Variants in LMO7 observed in about 807,000 individuals in gnomAD.
LMO7 encodes LIM domain only protein 7.
LMO7 carries 120 observed loss-of-function variants against 206.5 expected under a neutral mutation model. The ratio of observed to expected loss-of-function variants is 0.58; its 90% CI spans 0.50 to 0.68. The LOEUF (loss-of-function observed/expected upper bound fraction) is 0.68, where lower values mean the gene tolerates loss of function less well. Ranked by LOEUF, LMO7 falls within the 30% of genes least tolerant of loss-of-function variation. The probability of loss-of-function intolerance (pLI) is 0.00; values close to 1 mark genes in which losing one functional copy is unlikely to be tolerated. For missense variants in LMO7, 1,959 were observed against 1,957.9 expected, an observed-to-expected ratio of 1.00 and a Z score of -0.01; for synonymous variants, 706 against 681.5, an observed-to-expected ratio of 1.04 and a Z score of -0.56.
intron 4 of LMO7, among the ~76,000 whole-genome samples, chr13:75,793,659 C>T (rs1385896835): frequency 2.0e-5 from 3 of 152,170 alleles, no homozygotes; most frequent in African/African-American, 7.2e-5. Context: ...GGAATTTATT[C>T]TACTTGTTTA....
chr13:75,711,786 C>T (rs1429417443), intron 1 of LMO7, among the ~76,000 whole-genome samples: 1 of 152,196 alleles, frequency 6.6e-6, no homozygotes, highest in African/African-American at 2.4e-5. Flanking sequence ...GCTGTGGGCT[C>T]CCTGATGGAA....
At chr13:75,849,909 AAG>A in intron 27 of LMO7, among the ~76,000 whole-genome samples, 1 of 152,336 alleles carries the variant, frequency 6.6e-6, no homozygotes, top group Middle Eastern at 3.4e-3. Context: ...ATCACAGAGA[AAG>A]AGCTAATTAT....
intron 8 of LMO7, 92 bp from the exon 9 acceptor site, chr13:75,805,387 G>A: frequency 1.5e-6 from 2 of 1,342,470 alleles, no homozygotes; most frequent in East Asian, 2.3e-5. Context: ...TGTTCACAGT[G>A]GTGTAAACTT....
intron 4 of LMO7, among the ~76,000 whole-genome samples, chr13:75,765,819 G>A (rs542133607): frequency 6.6e-6 from 1 of 152,182 alleles, no homozygotes. Flanking sequence ...TTCTCAGATA[G>A]CCACGTTTCT....
chr13:75,810,507 G>A lies in LMO7; in HGVS notation c.1946+1324G>A, dbSNP rs1008614635. ...AAACCAGGGTCCCTGCATGCTTTCC[G>A]TGTGCCATGCAAAGGCACATTATCC... On this transcript the variant is annotated intron_variant, in intron 11 of 30. Transcript: ENST00000377534. Among the ~76,000 whole-genome samples, 2 of 152,114 alleles carry A rather than the reference G, an allele frequency of 1.3e-5. 1 individual carries two copies. The highest frequency in any genetic ancestry group is 6.3e-3 in the Middle Eastern group (2 of 316).
chr13:75,633,937 T>C (rs1363866046), upstream of LMO7, among the ~76,000 whole-genome samples: 1 of 135,186 alleles, frequency 7.4e-6, no homozygotes, highest in Non-Finnish European at 1.5e-5. Context: ...ACCCTCTGAC[T>C]CCCTGGTTCA....
In LMO7 at chr13:75,856,607, A is replaced by C. The variant is rs759252000; in HGVS notation, c.4872A>C (p.Lys1624Asn). Residue 1624 changes from lysine (K) to asparagine (N), a missense_variant and splice_region_variant, in exon 30 of 31, where the codon AAA becomes AAC. Coordinates refer to ENST00000377534, the MANE Select transcript of LMO7 (RefSeq NM_001306080.2). ...LYCNDCYLRF[K>N]SGRPTAM Reference sequence around the variant, plus strand: ...GCAACGACTGCTATCTCAGATTCAAATGTAAGAGAGCAAATCAGAGAGAAA... The same window carrying C: ...GCAACGACTGCTATCTCAGATTCAACTGTAAGAGAGCAAATCAGAGAGAAA... The C allele has an allele frequency of 3.2e-6, 5 of 1,578,884 alleles. No homozygotes were observed. The Admixed American group carries it at 6.7e-5, about 21-fold the overall frequency.
In LMO7 at chr13:75,636,613, C is replaced by T. The variant is rs776578984; in HGVS notation, c.-45C>T. The T allele has an allele frequency of 3.2e-6, 5 of 1,548,078 alleles. No individual in the cohort carries two copies. The highest frequency in any genetic ancestry group is 1.2e-5 in the South Asian group (1 of 84,112). ...CCCAGACGCGCGGGGACAACCCCTC[C>T]CCTCCACGCATCCCGAGTCTCTCTC... On this transcript the variant is annotated 5_prime_UTR_variant, in exon 1 of 31. Transcript: ENST00000377534.
At position 75,716,892 on chromosome 13, in the gene LMO7, CTCTT is replaced by C. The variant is rs1051242583; in HGVS notation, c.140+3642_140+3645del. Among the ~76,000 whole-genome samples the C allele has an allele frequency of 3.3e-4, 18 of 54,274 alleles. No individual in the cohort carries two copies. In the South Asian group the frequency reaches 0.015, roughly 45 times the overall value. The allele number at this position is 54,274 out of a possible 152,430, so 35.6% of individuals were successfully genotyped here. A position where few individuals can be genotyped will look rare whatever the true frequency, so the allele number is the denominator to read the frequency against. On this transcript the variant is annotated intron_variant, in intron 2 of 30. Transcript: ENST00000377534. ...TCTTGGAAATATTCAAATGAAAACA[CTCTT>C]TTTTTTTTTTTTTTCTCTGATGAAG...
intron 3 of LMO7, among the ~76,000 whole-genome samples, chr13:75,744,454 A>G (rs915872581): frequency 6.6e-6 from 1 of 152,240 alleles, no homozygotes; most frequent in Non-Finnish European, 1.5e-5. Context: ...TTACTAAAGC[A>G]ACACTGTAAT....
intron 3 of LMO7, among the ~76,000 whole-genome samples, chr13:75,757,618 T>C (rs1210225633): frequency 1.3e-5 from 2 of 151,970 alleles, no homozygotes; most frequent in Non-Finnish European, 2.9e-5. Flanking sequence ...GGATAAGGGG[T>C]GGAAGGGAGA....
At chr13:75,633,774 GTTAGTT>G (rs1056192358), upstream of LMO7, among the ~76,000 whole-genome samples, 3 of 149,804 alleles carry the variant, frequency 2.0e-5, no homozygotes, top group Admixed American at 2.0e-4. Context: ...GATAATTATT[GTTAGTT>G]TTAGTTAGGT....
intron 15 of LMO7, among the ~76,000 whole-genome samples, chr13:75,827,438 A>G (rs1207922666): frequency 6.6e-6 from 1 of 152,224 alleles, no homozygotes; most frequent in African/African-American, 2.4e-5. Flanking sequence ...TGAAGGGAAG[A>G]ACTTAATATG....
At chr13:75,841,001 T>G in intron 22 of LMO7, 108 bp from the exon 23 acceptor site, 1 of 684,932 alleles carries the variant, frequency 1.5e-6, no homozygotes, top group Middle Eastern at 3.4e-4. Flanking sequence ...ATCATGGTCT[T>G]TAAAGGTTTG....
At chr13:75,792,050 C>G (rs2053381573) in intron 4 of LMO7, among the ~76,000 whole-genome samples, 1 of 152,056 alleles carries the variant, frequency 6.6e-6, no homozygotes, top group African/African-American at 2.4e-5. Flanking sequence ...TCACTGCAGC[C>G]TTGAATTCCG....
rs769499249 is a variant in LMO7 at position 75,823,792 on chromosome 13, G to A, written c.2868G>A (p.Leu956=). ...QDQAATSKAT[L]SSTSGLDLMS... ...AGGCTGCCACTTCTAAAGCCACATT[G>A]TCTTCCACATCTGGTCTTGATTTAA... Residue 956 remains leucine (L), a synonymous_variant, in exon 15 of 31, where the codon TTG becomes TTA. Coordinates refer to ENST00000377534, the MANE Select transcript of LMO7 (RefSeq NM_001306080.2). 1.9e-6 allele frequency: 3 copies of A among 1,614,076 alleles called. No homozygotes were observed. Among genetic ancestry groups the A allele is most frequent in the Non-Finnish European group, 1.7e-6 (2 of 1,179,976 alleles).
intron 1 of LMO7, among the ~76,000 whole-genome samples, chr13:75,705,324 G>T (rs939358436): frequency 6.6e-6 from 1 of 152,188 alleles, no homozygotes; most frequent in African/African-American, 2.4e-5. Flanking sequence ...AAAATTAAGG[G>T]ACTGAGTGGT....
chr13:75,823,953 A>C (rs7982790), intron 15 of LMO7, 80 bp downstream of exon 15: 199,209 of 1,174,700 alleles, frequency 0.17, 19,414 homozygotes, highest in African/African-American at 0.39. Context: ...TCAAATGTCA[A>C]ACCTCTAGGT....
chr13:75,726,562 C>A (rs2044493582), intron 2 of LMO7, among the ~76,000 whole-genome samples: 1 of 151,864 alleles, frequency 6.6e-6, no homozygotes, highest in Admixed American at 6.6e-5. Flanking sequence ...TTGTATGAGT[C>A]CAGCTCACCT....
Sources: gnomAD v4.1 joint callset for allele counts (sites outside exome capture counted in the v4.1 genomes callset) on GRCh38, gnomAD v4.1.1 for gene constraint, MANE v1.5 for transcripts, NCBI Gene and HGNC (gene_info 2026-07-23, HGNC 2026-07-21) for gene names.